The following GPATCH2L variants were observed in gnomAD, a reference collection of about 807,000 sequenced individuals.
GPATCH2L encodes G patch domain-containing protein 2-like.
In GPATCH2L, 31 loss-of-function variants were observed where a neutral mutation model predicts 57.4. The observed-to-expected ratio is 0.54, with a 90% confidence interval of 0.41 to 0.73. The LOEUF (loss-of-function observed/expected upper bound fraction) is 0.73, where lower values mean the gene tolerates loss of function less well. Among genes scored for constraint, GPATCH2L ranks in the 30% least tolerant of loss-of-function variants. GPATCH2L has a pLI of 0.00. For synonymous variants in GPATCH2L, 199 were observed against 210.7 expected, an observed-to-expected ratio of 0.94 and a Z score of 0.48; for missense variants, 481 against 599.9, an observed-to-expected ratio of 0.80 and a Z score of 2.07.
chr14:76,208,382 C>G lies in GPATCH2L; in HGVS notation c.*6531C>G, dbSNP rs1270211603. 6.6e-6 allele frequency: 1 copy of G among 152,156 alleles called. No homozygotes were observed. Among genetic ancestry groups the G allele is most frequent in the Non-Finnish European group, 1.5e-5 (1 of 68,052 alleles). 9.4% of individuals were successfully genotyped at this position (152,156 alleles called of 1,614,324 possible). On this transcript the variant is annotated 3_prime_UTR_variant, in exon 10 of 10. Transcript: ENST00000261530. ...CACGACCATGCAAACTGATGCCACC[C>G]CAAAGTCATGGTAACGATTTGAATT...
rs2039187325 is a variant in GPATCH2L, at chr14:76,173,613, G to A, written c.972G>A (p.Arg324=). 1 of 1,607,522 alleles carries A rather than the reference G, an allele frequency of 6.2e-7. No individual in the cohort carries two copies. The highest frequency in any genetic ancestry group is 1.3e-5 in the African/African-American group (1 of 74,794). ...AARCLRKGRR[R]LVGKETSINT... ...GATGCCTCAGAAAGGGGCGAAGAAG[G>A]CTGGTTGGGAAGGTGATACCTCTCA... Residue 324 remains arginine (R), a synonymous_variant, in exon 5 of 10, where the codon AGG becomes AGA. Coordinates refer to ENST00000261530, the MANE Select transcript of GPATCH2L (RefSeq NM_017926.4).
At position 76,201,964 on chromosome 14, in the gene GPATCH2L, A is replaced by T; in HGVS notation, c.*113A>T. The T allele has an allele frequency of 1.3e-6, 1 of 771,980 alleles. No individual in the cohort carries two copies. The highest frequency in any genetic ancestry group is 2.7e-5 in the East Asian group (1 of 36,498). The allele number at this position is 771,980 out of a possible 1,614,324, so 47.8% of individuals were successfully genotyped here. A position where few individuals can be genotyped will look rare whatever the true frequency, so the allele number is the denominator to read the frequency against. ...CGACATTCCCAGTCCTTTCACCACC[A>T]GAACCAACTCCTCTTTCAAACACAG... On this transcript the variant is annotated 3_prime_UTR_variant, in exon 10 of 10. Transcript: ENST00000261530.
intron 1 of GPATCH2L, among the ~76,000 whole-genome samples, chr14:76,224,459 T>C (rs928174471): frequency 5.3e-5 from 8 of 152,126 alleles, no homozygotes; most frequent in African/African-American, 1.9e-4. Context: ...AATATCTCAA[T>C]AGAATGATGC....
intron 2 of GPATCH2L, among the ~76,000 whole-genome samples, chr14:76,233,304 G>T (rs2139887234): frequency 6.6e-6 from 1 of 152,324 alleles, no homozygotes; most frequent in South Asian, 2.1e-4. Context: ...CAGAGCATCT[G>T]TTTTATCACA....
intron 3 of GPATCH2L, among the ~76,000 whole-genome samples, chr14:76,169,495 G>T (rs544921784): frequency 6.6e-6 from 1 of 152,272 alleles, no homozygotes; most frequent in East Asian, 1.9e-4. Flanking sequence ...GGAGCCAGAG[G>T]TCAGGAGCCC....
chr14:76,211,134 A>G lies in GPATCH2L; in HGVS notation c.*9283A>G, dbSNP rs1566824413. On this transcript the variant is annotated 3_prime_UTR_variant, in exon 10 of 10. Coordinates refer to ENST00000261530, the MANE Select transcript of GPATCH2L (RefSeq NM_017926.4). ...GATGAAGCCCTCCAAGGGTAAAAGC[A>G]TGGTTTATTCAGAGCACTGCAAGTG... 1 of 152,222 alleles carries G rather than the reference A, an allele frequency of 6.6e-6. No homozygotes were observed. Among genetic ancestry groups the G allele is most frequent in the Non-Finnish European group, 1.5e-5 (1 of 68,050 alleles). 9.4% of individuals were successfully genotyped at this position (152,222 alleles called of 1,614,324 possible).
chr14:76,194,394 A>C (rs960728008), intron 8 of GPATCH2L, among the ~76,000 whole-genome samples: 2 of 152,138 alleles, frequency 1.3e-5, no homozygotes, highest in African/African-American at 4.8e-5. Context: ...TGCATTCCTA[A>C]AGAATTTCTT....
At chr14:76,177,061 T>C (rs1296169434) in intron 6 of GPATCH2L, among the ~76,000 whole-genome samples, 1 of 152,200 alleles carries the variant, frequency 6.6e-6, no homozygotes, top group Non-Finnish European at 1.5e-5. Flanking sequence ...TATCTGTTTT[T>C]TTGAGACAGG....
At chr14:76,187,659 C>T (rs916598224) in intron 8 of GPATCH2L, among the ~76,000 whole-genome samples, 4 of 151,954 alleles carry the variant, frequency 2.6e-5, no homozygotes, top group African/African-American at 7.3e-5. Flanking sequence ...GCATGTAATG[C>T]GTAATAATCA....
chr14:76,231,851 C>T (rs2040563769), intron 2 of GPATCH2L, among the ~76,000 whole-genome samples: 2 of 149,158 alleles, frequency 1.3e-5, no homozygotes, highest in South Asian at 4.3e-4. Flanking sequence ...TTATACTATG[C>T]CTCCAACATT....
In GPATCH2L at chr14:76,154,394, G is replaced by A; in HGVS notation, c.31G>A (p.Ala11Thr). Residue 11 changes from alanine (A) to threonine (T), a missense_variant, in exon 2 of 10, where the codon GCC becomes ACC. This residue lies in a region of GPATCH2L where 208 missense variants were observed against 272.4 expected (regional missense o/e 0.76). Coordinates refer to ENST00000261530, the MANE Select transcript of GPATCH2L (RefSeq NM_017926.4). This position sits in a 1 kb window ranked among gnomAD's most constrained non-coding sequence, Gnocchi z 4.4. ...TGAGCTGGTACACGACTTAGCCTCAGCCTTGGAGCAGACATCTGAGCAGAA... is the reference window on the plus strand; with the variant it reads ...TGAGCTGGTACACGACTTAGCCTCAACCTTGGAGCAGACATCTGAGCAGAA... MDELVHDLASALEQTSEQNKL... is the reference protein window; with the variant it reads MDELVHDLASTLEQTSEQNKL... 1 of 1,608,412 alleles carries A rather than the reference G, an allele frequency of 6.2e-7. No homozygotes were observed.
intron 3 of GPATCH2L, chr14:76,170,565 A>G (rs2039038309): frequency 1.3e-5 from 2 of 151,954 alleles, no homozygotes. Flanking sequence ...GGATTATGTT[A>G]TTTGTTGCTG....
intron 2 of GPATCH2L, among the ~76,000 whole-genome samples, chr14:76,232,329 T>C (rs2040575939): frequency 6.6e-6 from 1 of 152,160 alleles, no homozygotes; most frequent in Non-Finnish European, 1.5e-5. Context: ...AGACAGAGTC[T>C]CACTCTGTCT....
rs2040433390 is a variant in GPATCH2L at position 76,210,936 on chromosome 14, T to C, written c.*9085T>C. 1 of 152,214 alleles carries C rather than the reference T, an allele frequency of 6.6e-6. No homozygotes were observed. Among genetic ancestry groups the C allele is most frequent in the African/African-American group, 2.4e-5 (1 of 41,452 alleles). The allele number at this position is 152,214 out of a possible 1,614,324, so 9.4% of individuals were successfully genotyped here. ...GGCATTCCTGCTCTCATGATGTTCATGGTCTTCTGCGGAAGAGACCAGAAA... is the reference window on the plus strand; with the variant it reads ...GGCATTCCTGCTCTCATGATGTTCACGGTCTTCTGCGGAAGAGACCAGAAA... On this transcript the variant is annotated 3_prime_UTR_variant, in exon 10 of 10. Coordinates refer to ENST00000261530, the MANE Select transcript of GPATCH2L (RefSeq NM_017926.4).
intron 6 of GPATCH2L, among the ~76,000 whole-genome samples, chr14:76,177,581 G>A (rs1327406879): frequency 2.0e-5 from 3 of 151,928 alleles, no homozygotes; most frequent in Non-Finnish European, 4.4e-5. Context: ...CCCTTCATGA[G>A]TTGAGACTCT....
intron 2 of GPATCH2L, among the ~76,000 whole-genome samples, chr14:76,155,923 G>A (rs2038286249): frequency 6.6e-6 from 1 of 152,158 alleles, no homozygotes; most frequent in African/African-American, 2.4e-5. Context: ...TCCCTAGGTG[G>A]ATTGAGTACT....
chr14:76,195,370 A>G (rs908011557), intron 8 of GPATCH2L, among the ~76,000 whole-genome samples: 3 of 152,210 alleles, frequency 2.0e-5, no homozygotes, highest in East Asian at 1.9e-4. Flanking sequence ...AATAAAAAGC[A>G]TAATTAATAT....
At position 76,206,244 on chromosome 14, in the gene GPATCH2L, A is replaced by G. The variant is rs2040374483; in HGVS notation, c.*4393A>G. On this transcript the variant is annotated 3_prime_UTR_variant, in exon 10 of 10. Coordinates refer to ENST00000261530, the MANE Select transcript of GPATCH2L (RefSeq NM_017926.4). The stretch of plus-strand genomic sequence containing the variant: ...ACTGGTACAGAGGGAAAGGGTGAGG[A>G]AAATGGTGAGTTCCATCACTCAGAA... 1.3e-5 allele frequency: 2 copies of G among 152,396 alleles called. No individual in the cohort carries two copies. The highest frequency in any genetic ancestry group is 4.1e-4 in the South Asian group (2 of 4,832). The allele number at this position is 152,396 out of a possible 1,614,324, so 9.4% of individuals were successfully genotyped here.
At chr14:76,168,733 G>T (rs908772324) in intron 3 of GPATCH2L, among the ~76,000 whole-genome samples, 1 of 152,230 alleles carries the variant, frequency 6.6e-6, no homozygotes, top group Non-Finnish European at 1.5e-5. Flanking sequence ...TCAGTAGGAT[G>T]AGTAAGTGTG....
Sources: gnomAD v4.1 joint callset for allele counts (sites outside exome capture counted in the v4.1 genomes callset) on GRCh38, gnomAD v4.1.1 for gene constraint, gnomAD v4.1.1 regional missense constraint, Gnocchi (gnomAD v3.1) non-coding constraint, MANE v1.5 for transcripts, NCBI Gene and HGNC (gene_info 2026-07-23, HGNC 2026-07-21) for gene names.